The following ATXN10 variants were observed in gnomAD, a reference collection of about 807,000 sequenced individuals.
ATXN10 encodes ataxin-10.
A neutral mutation model predicts 52.9 loss-of-function variants in ATXN10; 28 were observed. The observed-to-expected ratio is 0.53, with a 90% CI of 0.39 to 0.73. ATXN10 has a LOEUF of 0.73. Ranked by LOEUF, ATXN10 falls within the 30% of genes least tolerant of loss-of-function variation. The pLI, the probability that ATXN10 is intolerant of heterozygous loss-of-function variation, is 0.00. For missense variants in ATXN10, 565 were observed against 577.0 expected (o/e 0.98, Z 0.21); for synonymous variants, 226 against 221.5 (o/e 1.02, Z -0.18).
chr22:45,792,751 T>A (rs573045216), intron 9 of ATXN10: 169 of 465,338 alleles, frequency 3.6e-4, no homozygotes, highest in Non-Finnish European at 6.7e-4. Context: ...AAGCCAAGGT[T>A]TTTCTCTTCT....
Position 45,816,585 on chromosome 22 carries a change from C to G in ATXN10, c.1237+9563C>G, listed in dbSNP as rs1326606645. ...AGGTGGGAACTATGTCATCTTGTTC[C>G]TGTACCCTGAGTGCATTCCCAACAT... On this transcript the variant is annotated intron_variant, in intron 10 of 11. Coordinates refer to ENST00000252934, the MANE Select transcript of ATXN10 (RefSeq NM_013236.4). The surrounding 1 kb of genome is among the most constrained non-coding windows in gnomAD (Gnocchi z 5.8). Among the ~76,000 whole-genome samples, 5 of 152,198 alleles carry G rather than the reference C, an allele frequency of 3.3e-5. No individual in the cohort carries two copies. The highest frequency in any genetic ancestry group is 5.9e-5 in the Non-Finnish European group (4 of 68,036).
chr22:45,726,518 G>A (rs1304572430), intron 6 of ATXN10, among the ~76,000 whole-genome samples: 1 of 151,946 alleles, frequency 6.6e-6, no homozygotes, highest in South Asian at 2.1e-4. Flanking sequence ...CTCCATTTCC[G>A]TTTCTATTTG....
rs1927214942 is a variant in ATXN10, at chr22:45,783,298, C to T, written c.1174-23661C>T. Among the ~76,000 whole-genome samples, 1 of 152,168 alleles carries T rather than the reference C, an allele frequency of 6.6e-6. No homozygotes were observed. The highest frequency in any genetic ancestry group is 2.1e-4 in the South Asian group (1 of 4,834). On this transcript the variant is annotated intron_variant, in intron 9 of 11. Transcript: ENST00000252934. The surrounding 1 kb of genome is among the most constrained non-coding windows in gnomAD (Gnocchi z 5.0). ...GATGGTGAGAGATTTTCTCATGCTC[C>T]TCAGCATGGTGCACAACTTAAAAAA...
chr22:45,697,950 G>T (rs553894200), intron 3 of ATXN10, among the ~76,000 whole-genome samples: 1 of 152,158 alleles, frequency 6.6e-6, no homozygotes, highest in Non-Finnish European at 1.5e-5. Context: ...TGTTTTTAAG[G>T]TTCATCCACC....
In ATXN10 at chr22:45,702,811, T is replaced by A; in HGVS notation, c.611T>A (p.Ile204Lys). Residue 204 changes from isoleucine to lysine, a missense_variant, in exon 5 of 12, where the codon ATA (isoleucine) becomes AAA (lysine). Coordinates refer to ENST00000252934, the MANE Select transcript of ATXN10 (RefSeq NM_013236.4). ...AACCTCAATATTGCAATTGATGTCATAGATGCTTACCAAAAACATCCTGAA... is the reference window on the plus strand; with the variant it reads ...AACCTCAATATTGCAATTGATGTCAAAGATGCTTACCAAAAACATCCTGAA... ...EENLNIAIDVIDAYQKHPESE... is the reference protein window; with the variant it reads ...EENLNIAIDVKDAYQKHPESE... 6.2e-7 allele frequency: 1 copy of A among 1,613,988 alleles called. No individual in the cohort carries two copies. The highest frequency in any genetic ancestry group is 1.1e-5 in the South Asian group (1 of 91,070).
intron 10 of ATXN10, 85 bp downstream of exon 10, chr22:45,807,107 A>G (rs758069155): frequency 3.7e-6 from 4 of 1,086,090 alleles, no homozygotes; most frequent in African/African-American, 1.5e-5. Context: ...TTCATTCAGT[A>G]TGTAGCTGGC....
In ATXN10 at chr22:45,696,655, T is replaced by G. The variant is rs962866078; in HGVS notation, c.391+3577T>G. Among the ~76,000 whole-genome samples the G allele has an allele frequency of 3.3e-5, 5 of 152,228 alleles. No homozygotes were observed. Among genetic ancestry groups the G allele is most frequent in the Non-Finnish European group, 7.3e-5 (5 of 68,034 alleles). On this transcript the variant is annotated intron_variant, in intron 3 of 11. Transcript: ENST00000252934. This position sits in a 1 kb window ranked among gnomAD's most constrained non-coding sequence, Gnocchi z 4.7. ...AGTAATATGCCCTCCCATTTTTCATTTAAAAATATCTTCTTTTGACTCCAT... is the reference window on the plus strand; with the variant it reads ...AGTAATATGCCCTCCCATTTTTCATGTAAAAATATCTTCTTTTGACTCCAT...
chr22:45,787,198 G>T lies in ATXN10; in HGVS notation c.1174-19761G>T, dbSNP rs1040942344. The stretch of plus-strand genomic sequence containing the variant: ...ATATATGTGCATTGAAAAACACAGA[G>T]AATTTTCATGGATAGGATCTGTCCC... On this transcript the variant is annotated intron_variant, in intron 9 of 11. Coordinates refer to ENST00000252934, the MANE Select transcript of ATXN10 (RefSeq NM_013236.4). This position sits in a 1 kb window ranked among gnomAD's most constrained non-coding sequence, Gnocchi z 4.2. Among the ~76,000 whole-genome samples the T allele has an allele frequency of 2.0e-5, 3 of 152,128 alleles. No individual in the cohort carries two copies. The highest frequency in any genetic ancestry group is 7.2e-5 in the African/African-American group (3 of 41,418).
intron 7 of ATXN10, chr22:45,729,865 T>C: frequency 2.3e-6 from 1 of 435,176 alleles, no homozygotes; most frequent in Non-Finnish European, 4.3e-6. Context: ...CACATATGTA[T>C]CTATTAAAAG....
intron 10 of ATXN10, among the ~76,000 whole-genome samples, chr22:45,838,128 C>T (rs1049291285): frequency 3.9e-5 from 6 of 152,238 alleles, no homozygotes; most frequent in Non-Finnish European, 8.8e-5. Context: ...GAGCTTGGCA[C>T]ATCAATCTGC....
At chr22:45,778,717 G>A (rs1927045972) in intron 9 of ATXN10, among the ~76,000 whole-genome samples, 1 of 152,202 alleles carries the variant, frequency 6.6e-6, no homozygotes, top group African/African-American at 2.4e-5. Context: ...TGAGTTCCCA[G>A]CTAAGAGCAG....
In ATXN10 at chr22:45,681,229, C is replaced by A. The variant is rs752472916; in HGVS notation, c.117-8483C>A. ...TTTATATAGATTTTCCTTTCATTATCCTGACCTCGAATTTCTTTGACTTTC... is the reference window on the plus strand; with the variant it reads ...TTTATATAGATTTTCCTTTCATTATACTGACCTCGAATTTCTTTGACTTTC... On this transcript the variant is annotated intron_variant, in intron 1 of 11. Transcript: ENST00000252934. This position sits in a 1 kb window ranked among gnomAD's most constrained non-coding sequence, Gnocchi z 4.2. 1.3e-5 allele frequency among the ~76,000 whole-genome samples: 2 copies of A among 152,278 alleles called. No individual in the cohort carries two copies. The highest frequency in any genetic ancestry group is 2.4e-5 in the African/African-American group (1 of 41,554).
intron 3 of ATXN10, among the ~76,000 whole-genome samples, chr22:45,694,191 G>A (rs1923496454): frequency 6.6e-6 from 1 of 152,080 alleles, no homozygotes. Context: ...AGACTCATTA[G>A]TAGAATGGTT....
At position 45,712,203 on chromosome 22, in the gene ATXN10, G is replaced by A. The variant is rs1924276060; in HGVS notation, c.648-6210G>A. Among the ~76,000 whole-genome samples, 1 of 152,106 alleles carries A rather than the reference G, an allele frequency of 6.6e-6. No individual in the cohort carries two copies. Among genetic ancestry groups the A allele is most frequent in the African/African-American group, 2.4e-5 (1 of 41,406 alleles). ...CTGGGGGCACAGGCTGTCAGGTTTG[G>A]GCCCACTCTTGAAGGAAAAAGCTAC... On this transcript the variant is annotated intron_variant, in intron 5 of 11. Transcript: ENST00000252934. The surrounding 1 kb of genome is among the most constrained non-coding windows in gnomAD (Gnocchi z 4.6).
In ATXN10 at chr22:45,701,228, G is replaced by C. The variant is rs1923831808; in HGVS notation, c.488+850G>C. On this transcript the variant is annotated intron_variant, in intron 4 of 11. Coordinates refer to ENST00000252934, the MANE Select transcript of ATXN10 (RefSeq NM_013236.4). This position sits in a 1 kb window ranked among gnomAD's most constrained non-coding sequence, Gnocchi z 4.2. ...GTATATTTTTTCTGTTCTCACAATA[G>C]CCTGCAGAGTAAGTGTTACTGTCTC... is the stretch of plus-strand genomic sequence containing the variant. Among the ~76,000 whole-genome samples the C allele has an allele frequency of 1.3e-5, 2 of 152,164 alleles. No homozygotes were observed. The highest frequency in any genetic ancestry group is 4.8e-5 in the African/African-American group (2 of 41,438).
At position 45,718,552 on chromosome 22, in the gene ATXN10, C is replaced by A; in HGVS notation, c.728+59C>A. Reference sequence around the variant, plus strand: ...AGCATTCCATATAGGGTATTCGATGCACGTGACTGAAAAGCTGTGTGGTTT... The same window carrying A: ...AGCATTCCATATAGGGTATTCGATGAACGTGACTGAAAAGCTGTGTGGTTT... On this transcript the variant is annotated intron_variant, in intron 6 of 11. Transcript: ENST00000252934. The surrounding 1 kb of genome is among the most constrained non-coding windows in gnomAD (Gnocchi z 4.4). 7.2e-7 allele frequency: 1 copy of A among 1,390,092 alleles called. No individual in the cohort carries two copies. The highest frequency in any genetic ancestry group is 1.0e-6 in the Non-Finnish European group (1 of 976,076). The allele number at this position is 1,390,092 out of a possible 1,614,324, so 86.1% of individuals were successfully genotyped here. A position where few individuals can be genotyped will look rare whatever the true frequency, so the allele number is the denominator to read the frequency against.
chr22:45,812,343 A>G (rs547100860), intron 10 of ATXN10, among the ~76,000 whole-genome samples: 1 of 152,342 alleles, frequency 6.6e-6, no homozygotes, highest in African/African-American at 2.4e-5. Flanking sequence ...ATTGTCTTGC[A>G]TGTAGTAGAT....
intron 3 of ATXN10, among the ~76,000 whole-genome samples, chr22:45,699,657 A>G (rs1490523304): frequency 6.6e-6 from 1 of 151,174 alleles, no homozygotes; most frequent in Non-Finnish European, 1.5e-5. Context: ...ACGCCTGGCT[A>G]ATTTTTGTGT....
chr22:45,752,324 T>C (rs1926007458), intron 9 of ATXN10, among the ~76,000 whole-genome samples: 1 of 152,112 alleles, frequency 6.6e-6, no homozygotes, highest in South Asian at 2.1e-4. Flanking sequence ...CTCAGTATCA[T>C]AGAATAAGTG....
Sources: gnomAD v4.1 joint callset for allele counts (sites outside exome capture counted in the v4.1 genomes callset) on GRCh38, gnomAD v4.1.1 for gene constraint, Gnocchi (gnomAD v3.1) non-coding constraint, MANE v1.5 for transcripts, NCBI Gene and HGNC (gene_info 2026-07-23, HGNC 2026-07-21) for gene names.